Variants in MMP26 observed in about 807,000 individuals in gnomAD.
The protein encoded by MMP26 is matrix metalloproteinase-26.
In MMP26, 33 loss-of-function variants were observed where a neutral mutation model predicts 31.0. The observed-to-expected ratio is 1.06, with a 90% confidence interval of 0.81 to 1.42. MMP26 has a LOEUF of 1.42. MMP26 is among the 40% of genes most tolerant of loss of function. MMP26 has a pLI of 0.00. For missense variants in MMP26, 347 were observed against 316.1 expected, an observed-to-expected ratio of 1.10 and a Z score of -0.74; for synonymous variants, 122 against 114.9, an observed-to-expected ratio of 1.06 and a Z score of -0.40.
At chr11:4,747,954 G>A (rs565694153) in intron 1 of MMP26, among the ~76,000 whole-genome samples, 73 of 151,624 alleles carry the variant, frequency 4.8e-4, no homozygotes, top group Non-Finnish European at 8.7e-4. Flanking sequence ...GATCTGAGCA[G>A]AACTAAATGG....
At chr11:4,788,265 AG>A (rs1430254236) in intron 2 of MMP26, among the ~76,000 whole-genome samples, 1 of 151,968 alleles carries the variant, frequency 6.6e-6, no homozygotes, top group Non-Finnish European at 1.5e-5. Context: ...ACAGACTCTT[AG>A]GAGACATGTT....
chr11:4,915,469 A>C, intron 2 of MMP26: 1 of 1,614,122 alleles, frequency 6.2e-7, no homozygotes, highest in Non-Finnish European at 8.5e-7. Flanking sequence ...ACAGGAAGAG[A>C]TACATAGGTT....
intron 2 of MMP26, among the ~76,000 whole-genome samples, chr11:4,776,562 GC>G (rs746294960): frequency 6.6e-6 from 1 of 151,988 alleles, no homozygotes; most frequent in East Asian, 1.9e-4. Context: ...TTGGCTCTGT[GC>G]CCCCTACCTA....
intron 2 of MMP26, among the ~76,000 whole-genome samples, chr11:4,917,123 G>A (rs1453871075): frequency 1.3e-5 from 2 of 149,638 alleles, no homozygotes; most frequent in Non-Finnish European, 3.0e-5. Context: ...TTTAGAACAT[G>A]CCCCAGTACG....
At chr11:4,786,282 T>C (rs17325477) in intron 2 of MMP26, among the ~76,000 whole-genome samples, 14,419 of 152,092 alleles carry the variant, frequency 0.095, 854 homozygotes, top group Middle Eastern at 0.15. Context: ...GTTATCTGCA[T>C]GAAGAGGAAT....
intron 1 of MMP26, among the ~76,000 whole-genome samples, chr11:4,744,214 T>C (rs192363392): frequency 3.3e-5 from 5 of 152,296 alleles, no homozygotes; most frequent in Admixed American, 1.3e-4. Flanking sequence ...TTGATTTTTT[T>C]CCAGAATTTT....
At chr11:4,877,392 C>T (rs1035176391) in intron 2 of MMP26, 4 of 152,320 alleles carry the variant, frequency 2.6e-5, no homozygotes, top group Non-Finnish European at 4.4e-5. Flanking sequence ...CATTCATGGC[C>T]AATATCTACC....
In MMP26 at chr11:4,991,381, T is replaced by C. The variant is rs1177052077; in HGVS notation, c.480T>C (p.Asp160=). ...TTCTGTCGTCCACAGCCCATGAAGA[T>C]GGTTGGCCCTTTGATGGGCCAGGTG... ...KVSFWQWAHE[D]GWPFDGPGGI... The change falls in exon 6 of 8, where the codon GAT becomes GAC. Residue 160 remains aspartate (D), a synonymous_variant. Coordinates refer to ENST00000380390, the MANE Select transcript of MMP26 (RefSeq NM_021801.5). The C allele has an allele frequency of 4.3e-6, 7 of 1,613,316 alleles. No homozygotes were observed. Among genetic ancestry groups the C allele is most frequent in the Non-Finnish European group, 5.9e-6 (7 of 1,179,444 alleles).
intron 1 of MMP26, among the ~76,000 whole-genome samples, chr11:4,748,426 T>G (rs1848407571): frequency 6.6e-6 from 1 of 151,822 alleles, no homozygotes; most frequent in African/African-American, 2.4e-5. Flanking sequence ...AGGGGGGAAT[T>G]ACCCCTAACT....
intron 1 of MMP26, among the ~76,000 whole-genome samples, chr11:4,744,286 A>T (rs965608493): frequency 1.3e-5 from 2 of 152,190 alleles, no homozygotes; most frequent in African/African-American, 4.8e-5. Context: ...CTAGTTTTTT[A>T]AAAAATTTAA....
intron 2 of MMP26, among the ~76,000 whole-genome samples, chr11:4,878,971 T>C (rs1439181499): frequency 1.3e-5 from 2 of 152,084 alleles, no homozygotes; most frequent in Non-Finnish European, 2.9e-5. Flanking sequence ...CGCGGTGGCT[T>C]ACACCTGTAA....
intron 2 of MMP26, among the ~76,000 whole-genome samples, chr11:4,861,039 A>C (rs1850147359): frequency 6.7e-6 from 1 of 149,474 alleles, no homozygotes; most frequent in Non-Finnish European, 1.5e-5. Context: ...CATCCACATA[A>C]ATCCATGTGT....
chr11:4,852,041 T>C (rs1336061075), intron 2 of MMP26, among the ~76,000 whole-genome samples: 1 of 152,106 alleles, frequency 6.6e-6, no homozygotes, highest in Non-Finnish European at 1.5e-5. Flanking sequence ...ATATTCTGTA[T>C]ACAAAAGACA....
intron 2 of MMP26, among the ~76,000 whole-genome samples, chr11:4,954,278 G>T (rs1418175479): frequency 8.1e-6 from 1 of 123,566 alleles, no homozygotes; most frequent in African/African-American, 2.8e-5. Context: ...TATCTGTTGG[G>T]TACTATGCTC....
At position 4,727,575 on chromosome 11, in the gene MMP26, C is replaced by T. The variant is rs554816186; in HGVS notation, c.-217+22530C>T. The stretch of plus-strand genomic sequence containing the variant: ...CTGTTATCCCAGCAGTTTGGAAGGC[C>T]GAGGCGGGTGGATCACCTGAGGTCA... On this transcript the variant is annotated intron_variant, in intron 1 of 7. Transcript: ENST00000380390. Among the ~76,000 whole-genome samples the T allele has an allele frequency of 9.5e-4, 144 of 152,160 alleles. 1 individual carries two copies. The highest frequency in any genetic ancestry group is 2.1e-3 in the Admixed American group (32 of 15,282).
chr11:4,933,804 A>G (rs1398598657), intron 2 of MMP26, among the ~76,000 whole-genome samples: 1 of 145,858 alleles, frequency 6.9e-6, no homozygotes, highest in Admixed American at 7.2e-5. Context: ...ATTCCCACCT[A>G]TAAGTGAGAA....
intron 2 of MMP26, among the ~76,000 whole-genome samples, chr11:4,805,069 G>T (rs1424330870): frequency 6.6e-6 from 1 of 151,998 alleles, no homozygotes; most frequent in African/African-American, 2.4e-5. Flanking sequence ...TTGCTCTTCA[G>T]TTCTATAGAA....
intron 2 of MMP26, among the ~76,000 whole-genome samples, chr11:4,854,612 C>T (rs191085435): frequency 6.6e-6 from 1 of 152,326 alleles, no homozygotes; most frequent in East Asian, 1.9e-4. Context: ...GGCCTGCCTG[C>T]CTCTGTAGAT....
intron 2 of MMP26, chr11:4,821,703 C>T: frequency 6.2e-7 from 1 of 1,614,008 alleles, no homozygotes; most frequent in Non-Finnish European, 8.5e-7. Flanking sequence ...CCCGAGAAAT[C>T]AACCTAAATG....
Sources: allele counts gnomAD v4.1 joint callset (sites outside exome capture counted in the v4.1 genomes callset), GRCh38; gene constraint gnomAD v4.1.1; transcripts MANE v1.5; gene names NCBI Gene and HGNC (gene_info 2026-07-23, HGNC 2026-07-21).